GRIK4: variants seen among roughly 807,000 people sequenced by gnomAD.
The protein encoded by GRIK4 is glutamate ionotropic receptor kainate type subunit 4, also known as glutamate receptor ionotropic, kainate 4.
GRIK4 carries 40 observed loss-of-function variants against 104.9 expected under a neutral mutation model. The observed-to-expected ratio is 0.38, with a 90% CI of 0.30 to 0.50. The LOEUF (loss-of-function observed/expected upper bound fraction) is 0.50. Ranked by LOEUF, GRIK4 falls within the 20% of genes least tolerant of loss-of-function variation. The pLI, the probability that GRIK4 is intolerant of heterozygous loss-of-function variation, is 0.93. For missense variants in GRIK4, 1,047 were observed against 1,308.1 expected (o/e 0.80, Z 3.08); for synonymous variants, 485 against 524.9 (o/e 0.92, Z 1.04).
At chr11:120,599,151 A>G (rs1276557805) in intron 1 of GRIK4, among the ~76,000 whole-genome samples, 1 of 152,262 alleles carries the variant, frequency 6.6e-6, no homozygotes. Context: ...GCTGTGCCAG[A>G]CAGATGCCTC....
chr11:120,953,597 C>T lies in GRIK4; in HGVS notation c.1700+633C>T, dbSNP rs372066636. 2.6e-5 allele frequency among the ~76,000 whole-genome samples: 4 copies of T among 152,042 alleles called. No individual in the cohort carries two copies. The highest frequency in any genetic ancestry group is 1.3e-4 in the Admixed American group (2 of 15,278). Reference sequence around the variant, plus strand: ...TCAAGAAGTGCTGAGTTGAGACGCACGGGCCAGACCAGGGAGGGGGGAGAA... The same window carrying T: ...TCAAGAAGTGCTGAGTTGAGACGCATGGGCCAGACCAGGGAGGGGGGAGAA... On this transcript the variant is annotated intron_variant, in intron 15 of 20. Coordinates refer to ENST00000527524, the MANE Select transcript of GRIK4 (RefSeq NM_014619.5). This position sits in a 1 kb window ranked among gnomAD's most constrained non-coding sequence, Gnocchi z 4.9.
intron 1 of GRIK4, among the ~76,000 whole-genome samples, chr11:120,637,877 T>TTTA (rs200575715): frequency 3.9e-4 from 59 of 151,738 alleles, no homozygotes; most frequent in Middle Eastern, 3.4e-3. Flanking sequence ...TATGCATATG[T>TTTA]TTATTATTAT....
chr11:120,541,194 C>T (rs1249784457), intron 1 of GRIK4, among the ~76,000 whole-genome samples: 2 of 152,254 alleles, frequency 1.3e-5, no homozygotes, highest in South Asian at 2.1e-4. Context: ...AACTCCTGCT[C>T]ATCCTCTAAG....
rs1423501525 is a variant in GRIK4, at chr11:120,819,112, G to A, written c.346-643G>A. On this transcript the variant is annotated intron_variant, in intron 5 of 20. Transcript: ENST00000527524. The surrounding 1 kb of genome is among the most constrained non-coding windows in gnomAD (Gnocchi z 4.3). ...CACTGTCCTAATGAAGCCAAACCAC[G>A]TATTTATTTACCTGGCTGTGTTCAG... 1.3e-5 allele frequency among the ~76,000 whole-genome samples: 2 copies of A among 152,152 alleles called. No individual in the cohort carries two copies. The highest frequency in any genetic ancestry group is 2.4e-5 in the African/African-American group (1 of 41,430).
At chr11:120,671,723 T>C (rs533107724) in intron 3 of GRIK4, among the ~76,000 whole-genome samples, 1 of 152,344 alleles carries the variant, frequency 6.6e-6, no homozygotes, top group South Asian at 2.1e-4. Flanking sequence ...AGAAGCTCTT[T>C]AGTTTAATTA....
intron 13 of GRIK4, among the ~76,000 whole-genome samples, chr11:120,919,939 T>C (rs1943191799): frequency 1.3e-5 from 2 of 151,896 alleles, no homozygotes; most frequent in African/African-American, 2.4e-5. Flanking sequence ...GAATTAGACA[T>C]GGGTATAGGA....
intron 8 of GRIK4, among the ~76,000 whole-genome samples, chr11:120,845,025 G>A (rs1953816686): frequency 6.6e-6 from 1 of 152,144 alleles, no homozygotes; most frequent in East Asian, 1.9e-4. Flanking sequence ...GTGTCTTCAG[G>A]CCAACACCTG....
At chr11:120,969,687 C>G (rs1591345912) in intron 19 of GRIK4, among the ~76,000 whole-genome samples, 1 of 152,142 alleles carries the variant, frequency 6.6e-6, no homozygotes, top group Admixed American at 6.5e-5. Context: ...TAAAGGATGG[C>G]AGGAAAGAGC....
chr11:120,842,877 G>A (rs141880212), intron 8 of GRIK4, among the ~76,000 whole-genome samples: 61 of 152,390 alleles, frequency 4.0e-4, no homozygotes, highest in Non-Finnish European at 6.6e-4. Flanking sequence ...GGTTGATGCC[G>A]TAAGAGAAGA....
At chr11:120,676,604 G>A (rs1036597338) in intron 3 of GRIK4, among the ~76,000 whole-genome samples, 1 of 152,162 alleles carries the variant, frequency 6.6e-6, no homozygotes, top group African/African-American at 2.4e-5. Context: ...CTCTTGGGAA[G>A]GAATCCATTC....
rs146599977 is a variant in GRIK4 at position 120,866,394 on chromosome 11, G to T, written c.906+4274G>T. On this transcript the variant is annotated intron_variant, in intron 9 of 20. Transcript: ENST00000527524. ...TTCTGTGTGCAAAGCACCAGGCAGG[G>T]TCCACAGCATCCCAATGGAGCAGGG... 2.4e-3 allele frequency among the ~76,000 whole-genome samples: 359 copies of T among 152,300 alleles called. 2 individuals carry two copies. The highest frequency in any genetic ancestry group is 8.4e-3 in the African/African-American group (347 of 41,554).
At chr11:120,914,469 G>A (rs937876949) in intron 13 of GRIK4, among the ~76,000 whole-genome samples, 1 of 152,184 alleles carries the variant, frequency 6.6e-6, no homozygotes, top group South Asian at 2.1e-4. Flanking sequence ...GAAGTTGAGC[G>A]AGGTGTGGTA....
chr11:120,686,722 T>C (rs1805113057), intron 3 of GRIK4, among the ~76,000 whole-genome samples: 1 of 152,232 alleles, frequency 6.6e-6, no homozygotes, highest in African/African-American at 2.4e-5. Flanking sequence ...CTGCTTCAGA[T>C]TTACCTTGCT....
intron 3 of GRIK4, among the ~76,000 whole-genome samples, chr11:120,707,468 T>C (rs768612213): frequency 1.3e-5 from 2 of 152,230 alleles, no homozygotes; most frequent in African/African-American, 2.4e-5. Context: ...CATGTGGCTC[T>C]GTAACCTCAG....
chr11:120,895,946 C>G (rs1427070680), intron 11 of GRIK4, among the ~76,000 whole-genome samples: 1 of 152,160 alleles, frequency 6.6e-6, no homozygotes, highest in Non-Finnish European at 1.5e-5. Flanking sequence ...TGGCTGGTCC[C>G]TTTAAGAGAC....
intron 3 of GRIK4, among the ~76,000 whole-genome samples, chr11:120,730,224 G>A: frequency 6.6e-6 from 1 of 152,020 alleles, no homozygotes; most frequent in South Asian, 2.1e-4. Flanking sequence ...CAGGTGTGGT[G>A]GTGTCTACCT....
At position 120,935,279 on chromosome 11, in the gene GRIK4, C is replaced by T. The variant is rs990624415; in HGVS notation, c.1477-5068C>T. Among the ~76,000 whole-genome samples, 3 of 152,154 alleles carry T rather than the reference C, an allele frequency of 2.0e-5. No homozygotes were observed. The East Asian group carries it at 5.8e-4, about 29-fold the overall frequency. On this transcript the variant is annotated intron_variant, in intron 13 of 20. Transcript: ENST00000527524. ...GGCCCACAAGTGACAAGAGTCAGGGCTGCTTTTTGGTTTAAAATGTTAAAA... is the reference window on the plus strand; with the variant it reads ...GGCCCACAAGTGACAAGAGTCAGGGTTGCTTTTTGGTTTAAAATGTTAAAA...
chr11:120,538,234 A>G (rs572391856), intron 1 of GRIK4, among the ~76,000 whole-genome samples: 45 of 152,332 alleles, frequency 3.0e-4, no homozygotes, highest in South Asian at 1.4e-3. Flanking sequence ...GCCGCGCATC[A>G]CTTGGGCGTC....
At chr11:120,741,608 A>G (rs1198623512) in intron 3 of GRIK4, among the ~76,000 whole-genome samples, 7 of 152,162 alleles carry the variant, frequency 4.6e-5, no homozygotes, top group Non-Finnish European at 1.0e-4. Context: ...ACACTGTGCA[A>G]TGCTGCCTTT....
Sources: gnomAD v4.1 joint callset for allele counts (sites outside exome capture counted in the v4.1 genomes callset) on GRCh38, gnomAD v4.1.1 for gene constraint, Gnocchi (gnomAD v3.1) non-coding constraint, MANE v1.5 for transcripts, NCBI Gene and HGNC (gene_info 2026-07-23, HGNC 2026-07-21) for gene names.